RCOR1: variants seen among roughly 807,000 people sequenced by gnomAD.
RCOR1 encodes REST corepressor 1, also known as REST corepressor.
In RCOR1, 12 loss-of-function variants were observed where a neutral mutation model predicts 64.0. The observed-to-expected ratio is 0.19, with a 90% CI of 0.12 to 0.30. The LOEUF (loss-of-function observed/expected upper bound fraction) is 0.30. RCOR1 is among the 10% of genes least tolerant of loss of function. The pLI, the probability that RCOR1 is intolerant of heterozygous loss-of-function variation, is 1.00. For missense variants in RCOR1, 502 were observed against 621.2 expected, an observed-to-expected ratio of 0.81 and a Z score of 2.04; for synonymous variants, 279 against 227.2, an observed-to-expected ratio of 1.23 and a Z score of -2.05.
At chr14:102,600,511 C>T (rs1893368821) in intron 2 of RCOR1, among the ~76,000 whole-genome samples, 1 of 152,082 alleles carries the variant, frequency 6.6e-6, no homozygotes, top group African/African-American at 2.4e-5. Context: ...AAGTGCTTCT[C>T]CTGCCTCAGC....
intron 2 of RCOR1, among the ~76,000 whole-genome samples, chr14:102,623,806 CA>C (rs1893923955): frequency 1.3e-5 from 2 of 151,788 alleles, no homozygotes; most frequent in Admixed American, 1.3e-4. Flanking sequence ...CCTGTAATCC[CA>C]GCAGTTTGGG....
chr14:102,712,096 A>G (rs957249922), intron 7 of RCOR1, among the ~76,000 whole-genome samples: 2 of 151,728 alleles, frequency 1.3e-5, no homozygotes, highest in South Asian at 2.1e-4. Context: ...GCAGCCGCCA[A>G]CTCCTGGGCT....
intron 7 of RCOR1, among the ~76,000 whole-genome samples, chr14:102,713,076 C>T (rs1172064679): frequency 6.7e-6 from 1 of 148,446 alleles, no homozygotes; most frequent in African/African-American, 2.5e-5. Context: ...GCTTCAGCCT[C>T]CCAAGTAGCT....
intron 2 of RCOR1, among the ~76,000 whole-genome samples, chr14:102,666,640 A>T (rs1194688402): frequency 6.6e-6 from 1 of 151,902 alleles, no homozygotes; most frequent in African/African-American, 2.4e-5. Flanking sequence ...GTTTTTGATG[A>T]TGTTTTAGTT....
At chr14:102,658,210 G>A (rs1894764577) in intron 2 of RCOR1, among the ~76,000 whole-genome samples, 1 of 152,122 alleles carries the variant, frequency 6.6e-6, no homozygotes, top group African/African-American at 2.4e-5. Context: ...CTGAACCTCA[G>A]ATGATCTACC....
At chr14:102,696,608 C>G (rs560199810) in intron 3 of RCOR1, among the ~76,000 whole-genome samples, 4 of 152,276 alleles carry the variant, frequency 2.6e-5, no homozygotes, top group Admixed American at 6.5e-5. Context: ...AGTCCCTGCC[C>G]TCAGTGGCTC....
At chr14:102,707,582 A>T in intron 5 of RCOR1, 70 bp downstream of exon 5, 2 of 1,255,576 alleles carry the variant, frequency 1.6e-6, no homozygotes, top group Non-Finnish European at 2.2e-6. Context: ...CATACTTGAG[A>T]TAGGGATATC....
At chr14:102,594,852 G>C (rs943695612) in intron 2 of RCOR1, among the ~76,000 whole-genome samples, 1 of 152,050 alleles carries the variant, frequency 6.6e-6, no homozygotes, top group Non-Finnish European at 1.5e-5. Flanking sequence ...TTAAAACACA[G>C]AACATAAAGC....
At position 102,592,991 on chromosome 14, in the gene RCOR1, G is replaced by T. The variant is rs1205873964; in HGVS notation, c.105G>T (p.Ser35=). The stretch of plus-strand genomic sequence containing the variant: ...CCGCCGCCGCCTCCGCCGCCGCCTC[G>T]GCCGCCTGCGCCTCGCCAGCCGCCA... The part of the protein sequence containing the change: ...ASAAAASAAA[S]AACASPAATA... The change falls in exon 1 of 12, where the codon TCG becomes TCT. Residue 35 remains serine, a synonymous_variant. Coordinates refer to ENST00000262241, the MANE Select transcript of RCOR1 (RefSeq NM_015156.4). 45 of 1,166,360 alleles carry T rather than the reference G, an allele frequency of 3.9e-5. No homozygotes were observed. The highest frequency in any genetic ancestry group is 4.6e-5 in the Non-Finnish European group (44 of 946,346). 72.3% of individuals were successfully genotyped at this position (1,166,360 alleles called of 1,614,324 possible).
chr14:102,648,129 A>C (rs2139926859), intron 2 of RCOR1, among the ~76,000 whole-genome samples: 1 of 151,602 alleles, frequency 6.6e-6, no homozygotes, highest in South Asian at 2.1e-4. Context: ...CCCAAGCTGG[A>C]ATGTAGTGGC....
At chr14:102,708,931 C>T (rs1174010743) in intron 6 of RCOR1, among the ~76,000 whole-genome samples, 7 of 152,022 alleles carry the variant, frequency 4.6e-5, no homozygotes, top group African/African-American at 1.7e-4. Context: ...TTATGTTTGC[C>T]ATGTGGAAAC....
intron 2 of RCOR1, among the ~76,000 whole-genome samples, chr14:102,653,976 T>C (rs1894660629): frequency 2.2e-5 from 1 of 44,550 alleles, no homozygotes; most frequent in Non-Finnish European, 4.1e-5. Context: ...TCTTTCTTTC[T>C]TTCTTTCTTT....
At chr14:102,627,636 G>A (rs1894007109) in intron 2 of RCOR1, among the ~76,000 whole-genome samples, 1 of 150,502 alleles carries the variant, frequency 6.6e-6, no homozygotes, top group Non-Finnish European at 1.5e-5. Flanking sequence ...CAGCCTGGGC[G>A]ACAGAGTGAG....
intron 2 of RCOR1, among the ~76,000 whole-genome samples, chr14:102,667,004 C>T (rs867704964): frequency 6.6e-6 from 1 of 152,148 alleles, no homozygotes; most frequent in African/African-American, 2.4e-5. Context: ...ATCCATATCT[C>T]AGGAAGGACT....
At chr14:102,636,573 C>A (rs190261945) in intron 2 of RCOR1, among the ~76,000 whole-genome samples, 4 of 152,008 alleles carry the variant, frequency 2.6e-5, no homozygotes, top group Non-Finnish European at 4.4e-5. Context: ...TGAGCCACTG[C>A]GCCTGGCCAT....
At chr14:102,624,174 C>T (rs984871536) in intron 2 of RCOR1, among the ~76,000 whole-genome samples, 9 of 151,332 alleles carry the variant, frequency 5.9e-5, no homozygotes, top group East Asian at 2.0e-4. Context: ...CCAGCCTGGG[C>T]GACAGAGGGA....
intron 3 of RCOR1, among the ~76,000 whole-genome samples, chr14:102,686,198 T>C (rs552300367): frequency 6.6e-6 from 1 of 152,298 alleles, no homozygotes; most frequent in African/African-American, 2.4e-5. Flanking sequence ...ACTCCTGGGC[T>C]CAAGCTGTCA....
chr14:102,630,241 C>G (rs1230874738), intron 2 of RCOR1, among the ~76,000 whole-genome samples: 2 of 152,136 alleles, frequency 1.3e-5, no homozygotes, highest in Non-Finnish European at 2.9e-5. Flanking sequence ...GCTGGCGCCT[C>G]TCTCTTGCTG....
chr14:102,653,792 TA>T (rs1188852267), intron 2 of RCOR1, among the ~76,000 whole-genome samples: 1 of 152,092 alleles, frequency 6.6e-6, no homozygotes, highest in Non-Finnish European at 1.5e-5. Flanking sequence ...ACCATGATTA[TA>T]AGTTTACTGA....
Sources: gnomAD v4.1 joint callset for allele counts (sites outside exome capture counted in the v4.1 genomes callset) on GRCh38, gnomAD v4.1.1 for gene constraint, MANE v1.5 for transcripts, NCBI Gene and HGNC (gene_info 2026-07-23, HGNC 2026-07-21) for gene names.